Variants in LY86 observed in about 807,000 individuals in gnomAD.
LY86 encodes lymphocyte antigen 86.
In LY86, 20 loss-of-function variants were observed where a neutral mutation model predicts 17.3. The ratio of observed to expected loss-of-function variants is 1.15; its 90% CI spans 0.81 to 1.68. LY86 has a LOEUF of 1.68. LY86 is among the 40% of genes most tolerant of loss of function. The pLI, the probability that LY86 is intolerant of heterozygous loss-of-function variation, is 0.00. For synonymous variants in LY86, 74 were observed against 70.6 expected (o/e 1.05, Z -0.24); for missense variants, 200 against 191.9 (o/e 1.04, Z -0.25).
intron 1 of LY86, among the ~76,000 whole-genome samples, chr6:6,612,954 T>A (rs1761425511): frequency 6.6e-6 from 1 of 151,832 alleles, no homozygotes; most frequent in Admixed American, 6.5e-5. Context: ...TCACAAACTC[T>A]GAGCTAGACA....
At chr6:6,609,514 C>T (rs1026876668) in intron 1 of LY86, among the ~76,000 whole-genome samples, 4 of 152,216 alleles carry the variant, frequency 2.6e-5, no homozygotes, top group African/African-American at 7.2e-5. Context: ...ACTTTCTCTT[C>T]CTTCAAGGGC....
At chr6:6,626,472 C>T in intron 3 of LY86, 51 bp downstream of exon 3, 1 of 1,603,432 alleles carries the variant, frequency 6.2e-7, no homozygotes. Context: ...GAGAGATAAA[C>T]TCGAACTTGC....
rs556935637 is a variant in LY86, at chr6:6,633,679, C to CAACTATCA, written c.352+7262_352+7269dup. 1.6e-3 allele frequency among the ~76,000 whole-genome samples: 248 copies of CAACTATCA among 152,300 alleles called. 1 individual carries two copies. Among genetic ancestry groups the CAACTATCA allele is most frequent in the African/African-American group, 5.7e-3 (235 of 41,566 alleles). On this transcript the variant is annotated intron_variant, in intron 3 of 4. Transcript: ENST00000230568. Reference sequence around the variant, plus strand: ...TCACACTTGATAATAAGAGACATGTCAACTATCAAACCTGGTTCTGGCCAA... The same window carrying CAACTATCA: ...TCACACTTGATAATAAGAGACATGTCAACTATCAAACTATCAAACCTGGTTCTGGCCAA...
At chr6:6,623,630 A>T (rs1761726011) in intron 1 of LY86, among the ~76,000 whole-genome samples, 1 of 152,160 alleles carries the variant, frequency 6.6e-6, no homozygotes, top group Non-Finnish European at 1.5e-5. Context: ...TTCACTCAAC[A>T]TGTACATTTA....
chr6:6,600,896 G>A (rs1276359069), intron 1 of LY86, among the ~76,000 whole-genome samples: 1 of 152,174 alleles, frequency 6.6e-6, no homozygotes, highest in African/African-American at 2.4e-5. Context: ...TGTGCTTTTT[G>A]GAGAGAAGAC....
At chr6:6,635,418 C>T (rs1328159365) in intron 3 of LY86, among the ~76,000 whole-genome samples, 7 of 152,128 alleles carry the variant, frequency 4.6e-5, no homozygotes, top group African/African-American at 1.7e-4. Flanking sequence ...TCTTTCTCTT[C>T]CTCTCTGCCT....
At chr6:6,620,250 T>C (rs1358498804) in intron 1 of LY86, among the ~76,000 whole-genome samples, 1 of 152,212 alleles carries the variant, frequency 6.6e-6, no homozygotes, top group Non-Finnish European at 1.5e-5. Context: ...ATGTAAGATC[T>C]TACCATGGGG....
chr6:6,654,547 G>C lies in LY86; in HGVS notation c.409G>C (p.Glu137Gln). ...ACTTGACCTGTGCCCCTTGCAGGGA[G>C]AATACCAGGTTTTGCTGGAACTGTA... The part of the protein sequence containing the change: ...NNPEFTIPQG[E>Q]YQVLLELYTE... The change falls in exon 5 of 5, where the codon GAA becomes CAA. Residue 137 changes from glutamate (E) to glutamine (Q), a missense_variant. Physicochemically the swap from Glu to Gln is conservative, Grantham distance 29 (BLOSUM62 2). Transcript: ENST00000230568. The C allele has an allele frequency of 6.2e-7, 1 of 1,613,752 alleles. No homozygotes were observed. The highest frequency in any genetic ancestry group is 8.5e-7 in the Non-Finnish European group (1 of 1,179,620).
intron 1 of LY86, among the ~76,000 whole-genome samples, chr6:6,623,025 G>A (rs147938602): frequency 2.6e-3 from 402 of 152,238 alleles, no homozygotes; most frequent in African/African-American, 8.5e-3. Flanking sequence ...CTATATTTTC[G>A]TAACAGTAAA....
intron 1 of LY86, among the ~76,000 whole-genome samples, chr6:6,600,387 C>T (rs1040428838): frequency 6.6e-6 from 1 of 151,786 alleles, no homozygotes; most frequent in African/African-American, 2.4e-5. Flanking sequence ...GTCAGGAGTT[C>T]GAGATCAGTC....
intron 3 of LY86, among the ~76,000 whole-genome samples, chr6:6,632,783 A>T (rs1027459382): frequency 6.6e-6 from 1 of 152,232 alleles, no homozygotes; most frequent in Admixed American, 6.5e-5. Context: ...TCCAGAATGC[A>T]TAATCTTAGG....
rs76751952 is a variant in LY86 at position 6,654,584 on chromosome 6, G to C, written c.446G>C (p.Arg149Pro). 6 of 1,614,162 alleles carry C rather than the reference G, an allele frequency of 3.7e-6. No homozygotes were observed. The East Asian group carries it at 1.1e-4, about 30-fold the overall frequency. Residue 149 changes from arginine (R) to proline (P), a missense_variant, in exon 5 of 5, where the codon CGG becomes CCG. Coordinates refer to ENST00000230568, the MANE Select transcript of LY86 (RefSeq NM_004271.4). ...QVLLELYTEK[R>P]STVACANATI... is the part of the protein sequence containing the mutation. ...TTGCTGGAACTGTACACTGAAAAAC[G>C]GTCCACCGTGGCCTGTGCCAATGCT... is the stretch of plus-strand genomic sequence containing the variant.
At chr6:6,604,783 C>T (rs1581234888) in intron 1 of LY86, among the ~76,000 whole-genome samples, 1 of 150,974 alleles carries the variant, frequency 6.6e-6, no homozygotes, top group Non-Finnish European at 1.5e-5. Flanking sequence ...CCCAGAGATT[C>T]GTAAAAGAAA....
intron 1 of LY86, among the ~76,000 whole-genome samples, chr6:6,607,183 G>A (rs1228106635): frequency 6.6e-6 from 1 of 152,260 alleles, no homozygotes; most frequent in African/African-American, 2.4e-5. Context: ...CTTTTTCAGG[G>A]AGGAGAGTAA....
rs78431625 is a variant in LY86, at chr6:6,614,913, A to C, written c.137-10013A>C. On this transcript the variant is annotated intron_variant, in intron 1 of 4. Transcript: ENST00000230568. ...GTAGAGACAGGAGCCAGAGACATGA[A>C]AAAAGAGGGAGAGGCCGGGAGCATC... Among the ~76,000 whole-genome samples the C allele has an allele frequency of 6.4e-3, 969 of 152,240 alleles. 25 individuals are homozygous for C. The highest frequency in any genetic ancestry group is 0.061 in the East Asian group (315 of 5,176).
At chr6:6,618,800 T>C (rs553102263) in intron 1 of LY86, among the ~76,000 whole-genome samples, 10 of 152,266 alleles carry the variant, frequency 6.6e-5, no homozygotes, top group Non-Finnish European at 1.3e-4. Flanking sequence ...TAATGACCCA[T>C]TGGGGAGCCT....
rs1223582041 is a variant in LY86, at chr6:6,625,032, A to G, written c.223+20A>G. 2 of 1,169,552 alleles carry G rather than the reference A, an allele frequency of 1.7e-6. No homozygotes were observed. Among genetic ancestry groups the G allele is most frequent in the Admixed American group, 3.9e-5 (2 of 51,516 alleles). 72.4% of individuals were successfully genotyped at this position (1,169,552 alleles called of 1,614,324 possible). On this transcript the variant is annotated intron_variant, in intron 2 of 4. Transcript: ENST00000230568. ...TTCTGAGTAAGTAAAAAAAATGATT[A>G]GCATGAAATAAAACATTGCACAGCC... is the stretch of plus-strand genomic sequence containing the variant.
At chr6:6,640,410 A>T (rs1372258783) in intron 3 of LY86, among the ~76,000 whole-genome samples, 2 of 149,756 alleles carry the variant, frequency 1.3e-5, no homozygotes, top group Non-Finnish European at 3.0e-5. Flanking sequence ...AATAAAAATA[A>T]AAAAAAAAGG....
At chr6:6,623,981 G>C (rs1761733095) in intron 1 of LY86, among the ~76,000 whole-genome samples, 2 of 152,234 alleles carry the variant, frequency 1.3e-5, no homozygotes, top group Non-Finnish European at 2.9e-5. Context: ...GCTGTTTTAA[G>C]AGTTCAAGGA....
Sources: allele counts gnomAD v4.1 joint callset (sites outside exome capture counted in the v4.1 genomes callset), GRCh38; gene constraint gnomAD v4.1.1; transcripts MANE v1.5; gene names NCBI Gene and HGNC (gene_info 2026-07-23, HGNC 2026-07-21).